The following CDH3 variants were observed in gnomAD, a reference collection of about 807,000 sequenced individuals.
The protein encoded by CDH3 is cadherin-3.
A neutral mutation model predicts 82.0 loss-of-function variants in CDH3; 54 were observed. The observed-to-expected ratio is 0.66, with a 90% CI of 0.53 to 0.83. CDH3 has a LOEUF of 0.83. Among genes scored for constraint, CDH3 ranks in the 40% least tolerant of loss-of-function variants. CDH3 has a pLI of 0.00. For missense variants in CDH3, 1,054 were observed against 1,084.6 expected (o/e 0.97, Z 0.40); for synonymous variants, 446 against 437.9 (o/e 1.02, Z -0.23).
chr16:68,667,361 G>C (rs1266354844), intron 2 of CDH3, among the ~76,000 whole-genome samples: 1 of 152,120 alleles, frequency 6.6e-6, no homozygotes, highest in African/African-American at 2.4e-5. Context: ...GCTGCCTTTT[G>C]GCCACAATAT....
At chr16:68,668,317 T>C (rs1380381267) in intron 2 of CDH3, among the ~76,000 whole-genome samples, 1 of 152,198 alleles carries the variant, frequency 6.6e-6, no homozygotes, top group Non-Finnish European at 1.5e-5. Context: ...TGTGGAACCA[T>C]GCTGCAGTTA....
intron 1 of CDH3, among the ~76,000 whole-genome samples, chr16:68,705,536 C>G (rs1028487018): frequency 2.0e-5 from 3 of 151,948 alleles, no homozygotes; most frequent in Non-Finnish European, 4.4e-5. Flanking sequence ...ATCCTCCTGC[C>G]TCAGCCTCCC....
intron 7 of CDH3, 100 bp downstream of exon 7, chr16:68,680,074 G>A: frequency 2.5e-6 from 3 of 1,193,334 alleles, no homozygotes; most frequent in Non-Finnish European, 3.7e-6. Flanking sequence ...AAAGCCCAAG[G>A]CAGAACAGTG....
chr16:68,721,722 TA>T (rs1459778675), intron 1 of CDH3, among the ~76,000 whole-genome samples: 1 of 152,192 alleles, frequency 6.6e-6, no homozygotes, highest in Non-Finnish European at 1.5e-5. Context: ...TAACTCAGCT[TA>T]AATGTCACTT....
intron 2 of CDH3, chr16:68,651,013 G>C: frequency 2.8e-6 from 1 of 356,352 alleles, no homozygotes; most frequent in Non-Finnish European, 5.1e-6. Context: ...TGGGGAGAGA[G>C]CGTGCTGGGA....
At chr16:68,669,617 G>T (rs1018837335) in intron 2 of CDH3, among the ~76,000 whole-genome samples, 2 of 101,888 alleles carry the variant, frequency 2.0e-5, no homozygotes, top group Middle Eastern at 5.2e-3. Flanking sequence ...GTGGGGTGGC[G>T]GGGGGGGTGG....
chr16:68,726,775 A>T (rs1236748916), intron 2 of CDH3, among the ~76,000 whole-genome samples: 1 of 151,924 alleles, frequency 6.6e-6, no homozygotes, highest in Non-Finnish European at 1.5e-5. Context: ...GAGACGGGGT[A>T]TCACCAGGTT....
chr16:68,695,424 C>A, intron 14 of CDH3, 39 bp downstream of exon 14: 1 of 1,579,298 alleles, frequency 6.3e-7, no homozygotes, highest in South Asian at 1.1e-5. Flanking sequence ...AGGTGGATGC[C>A]CCTAAGGCCA....
Position 68,645,670 on chromosome 16 carries a change from G to T in CDH3, c.80G>T (p.Cys27Phe). ...CTGCAGTGCGCGGCCTCCGAGCCGT[G>T]CCGGGCGGTCTTCAGGGAGGCTGAA... ...CWLQCAASEP[C>F]RAVFREAEVT... The change falls in exon 2 of 16, where the codon TGC becomes TTC. Residue 27 changes from cysteine to phenylalanine, a missense_variant. By Grantham distance (205) the Cys-to-Phe change is radical (BLOSUM62 -2). Coordinates refer to ENST00000264012, the MANE Select transcript of CDH3 (RefSeq NM_001793.6). 1 of 1,544,720 alleles carries T rather than the reference G, an allele frequency of 6.5e-7. No homozygotes were observed. The highest frequency in any genetic ancestry group is 1.2e-5 in the South Asian group (1 of 83,976).
chr16:68,708,732 C>T (rs1031980966), intron 1 of CDH3, among the ~76,000 whole-genome samples: 2 of 152,084 alleles, frequency 1.3e-5, no homozygotes, highest in African/African-American at 4.8e-5. Flanking sequence ...AAACCTCCAC[C>T]TCCCGGGTTC....
chr16:68,731,379 A>ATATATATATAT (rs1260709652), downstream of CDH3, among the ~76,000 whole-genome samples: 2 of 9,552 alleles, frequency 2.1e-4, no homozygotes, highest in Non-Finnish European at 4.5e-4. Flanking sequence ...AAAAAAAAAA[A>ATATATATATAT]AAAAAAAAAA....
intron 13 of CDH3, among the ~76,000 whole-genome samples, chr16:68,692,473 C>T (rs982684468): frequency 2.0e-5 from 3 of 152,182 alleles, no homozygotes; most frequent in African/African-American, 4.8e-5. Flanking sequence ...TGGAGGGGCC[C>T]GCACAGTGGT....
intron 2 of CDH3, among the ~76,000 whole-genome samples, chr16:68,662,656 T>C (rs996945731): frequency 3.0e-4 from 45 of 149,952 alleles, no homozygotes; most frequent in African/African-American, 1.0e-3. Flanking sequence ...ACCATTCTCC[T>C]GCCTCAGCCT....
At chr16:68,695,487 C>T in intron 14 of CDH3, 102 bp downstream of exon 14, 1 of 1,225,314 alleles carries the variant, frequency 8.2e-7, no homozygotes, top group Non-Finnish European at 1.2e-6. Flanking sequence ...GTTGACCAGG[C>T]CCTGGCATGA....
chr16:68,684,973 G>A, intron 10 of CDH3, 149 bp downstream of exon 10: 1 of 1,186,626 alleles, frequency 8.4e-7, no homozygotes, highest in Non-Finnish European at 1.2e-6. Flanking sequence ...CCTCTTTGAG[G>A]CTGAAGACTG....
intron 2 of CDH3, among the ~76,000 whole-genome samples, chr16:68,652,218 C>T (rs1960270676): frequency 6.6e-6 from 1 of 152,164 alleles, no homozygotes; most frequent in African/African-American, 2.4e-5. Context: ...ACTGGACCTT[C>T]AAGCCTAGCA....
intron 2 of CDH3, among the ~76,000 whole-genome samples, chr16:68,725,340 C>CT (rs200997628): frequency 4.8e-4 from 71 of 147,094 alleles, no homozygotes; most frequent in East Asian, 2.0e-3. Context: ...TCACCCAATT[C>CT]TTTTTTTTTT....
At chr16:68,675,942 G>A (rs1961022646) in intron 2 of CDH3, among the ~76,000 whole-genome samples, 1 of 152,202 alleles carries the variant, frequency 6.6e-6, no homozygotes, top group Admixed American at 6.5e-5. Flanking sequence ...TGGGGATTCA[G>A]AAGGAGCGAA....
downstream of CDH3, among the ~76,000 whole-genome samples, chr16:68,704,281 C>A (rs1256944355): frequency 2.7e-5 from 4 of 148,434 alleles, no homozygotes; most frequent in Non-Finnish European, 3.0e-5. Flanking sequence ...AGCGAGACTT[C>A]GTCTCAAAAA....
Sources: allele counts gnomAD v4.1 joint callset (sites outside exome capture counted in the v4.1 genomes callset), GRCh38; gene constraint gnomAD v4.1.1; transcripts MANE v1.5; gene names NCBI Gene and HGNC (gene_info 2026-07-23, HGNC 2026-07-21).